CA10: variants seen among roughly 807,000 people sequenced by gnomAD.
The protein encoded by CA10 is carbonic anhydrase-related protein 10.
CA10 carries 14 observed loss-of-function variants against 44.2 expected under a neutral mutation model. That is an observed-to-expected ratio of 0.32 (90% CI 0.21 to 0.50). The LOEUF is 0.50. CA10 is among the 20% of genes least tolerant of loss of function. CA10 has a pLI of 0.99. For missense variants in CA10, 350 were observed against 409.7 expected, an observed-to-expected ratio of 0.85 and a Z score of 1.26; for synonymous variants, 159 against 141.6, an observed-to-expected ratio of 1.12 and a Z score of -0.87.
chr17:51,827,218 C>T lies in CA10; in HGVS notation c.280-79400G>A, dbSNP rs146322792. On this transcript the variant is annotated intron_variant, in intron 3 of 8. Transcript: ENST00000451037. ...ATTATTTTCCAATACCTTTGGGAGA[C>T]ACAAAGTTAAACAGACTATATCACT... Among the ~76,000 whole-genome samples, 113 of 152,224 alleles carry T rather than the reference C, an allele frequency of 7.4e-4. 1 individual carries two copies. The East Asian group carries it at 0.02, about 26-fold the overall frequency.
At chr17:51,999,726 C>A (rs952021089) in intron 2 of CA10, among the ~76,000 whole-genome samples, 8 of 152,024 alleles carry the variant, frequency 5.3e-5, no homozygotes, top group Admixed American at 3.9e-4. Flanking sequence ...CTTATAGGTT[C>A]CAGCCTGTCC....
At chr17:52,154,712 T>C (rs530245576) in intron 1 of CA10, among the ~76,000 whole-genome samples, 1 of 152,296 alleles carries the variant, frequency 6.6e-6, no homozygotes, top group Non-Finnish European at 1.5e-5. Flanking sequence ...CCAGAGGAAC[T>C]CCCAAATCAT....
intron 2 of CA10, among the ~76,000 whole-genome samples, chr17:52,039,172 T>C (rs1986699601): frequency 6.6e-6 from 1 of 152,186 alleles, no homozygotes; most frequent in Non-Finnish European, 1.5e-5. Flanking sequence ...GTTCTTGATA[T>C]GATTCCAAGA....
intron 1 of CA10, among the ~76,000 whole-genome samples, chr17:52,127,116 G>T (rs1441098738): frequency 6.6e-6 from 1 of 152,094 alleles, no homozygotes; most frequent in African/African-American, 2.4e-5. Context: ...CCCCAACCAT[G>T]AAGTGATTAC....
intron 1 of CA10, among the ~76,000 whole-genome samples, chr17:52,122,437 A>AT (rs766296838): frequency 4.0e-5 from 6 of 151,884 alleles, no homozygotes; most frequent in African/African-American, 9.7e-5. Flanking sequence ...TTCATCATGG[A>AT]TTTTTTTTGC....
At chr17:52,013,457 C>T (rs1985871803) in intron 2 of CA10, among the ~76,000 whole-genome samples, 1 of 151,712 alleles carries the variant, frequency 6.6e-6, no homozygotes, top group Non-Finnish European at 1.5e-5. Context: ...AATTAAAATG[C>T]AGTGGGTGTA....
At chr17:51,850,367 A>C (rs886443073) in intron 3 of CA10, among the ~76,000 whole-genome samples, 1 of 152,226 alleles carries the variant, frequency 6.6e-6, no homozygotes, top group Non-Finnish European at 1.5e-5. Flanking sequence ...CCGAACTTAC[A>C]AAGCAGCAAA....
intron 3 of CA10, among the ~76,000 whole-genome samples, chr17:51,928,732 A>G (rs1982530664): frequency 6.6e-6 from 1 of 152,136 alleles, no homozygotes; most frequent in Non-Finnish European, 1.5e-5. Context: ...TAAGTTGGGT[A>G]TTTCTTTAAG....
At chr17:52,144,901 G>A (rs1848164141) in intron 1 of CA10, among the ~76,000 whole-genome samples, 1 of 152,010 alleles carries the variant, frequency 6.6e-6, no homozygotes. Flanking sequence ...TCCAAAAATA[G>A]GTGTTATTGC....
chr17:52,087,808 C>T (rs895832854), intron 1 of CA10, among the ~76,000 whole-genome samples: 2 of 151,974 alleles, frequency 1.3e-5, no homozygotes, highest in South Asian at 4.2e-4. Context: ...TGTTTTATGC[C>T]CCCCTTATTT....
At chr17:51,665,005 G>A (rs890622766) in intron 4 of CA10, among the ~76,000 whole-genome samples, 1 of 152,152 alleles carries the variant, frequency 6.6e-6, no homozygotes, top group Non-Finnish European at 1.5e-5. Flanking sequence ...CACACTGCTT[G>A]CCAAAGCCAT....
At chr17:51,727,895 A>C (rs1916583350) in intron 4 of CA10, among the ~76,000 whole-genome samples, 1 of 152,126 alleles carries the variant, frequency 6.6e-6, no homozygotes, top group Non-Finnish European at 1.5e-5. Context: ...AGACTTAAAA[A>C]AATTTTTTTA....
At chr17:51,736,954 C>G (rs560364112) in intron 4 of CA10, among the ~76,000 whole-genome samples, 15 of 152,294 alleles carry the variant, frequency 9.8e-5, no homozygotes, top group African/African-American at 3.6e-4. Context: ...TCCTGTCTCA[C>G]TTTACAGCTA....
chr17:51,697,982 C>G (rs1042016593), intron 4 of CA10, among the ~76,000 whole-genome samples: 1 of 152,100 alleles, frequency 6.6e-6, no homozygotes, highest in Non-Finnish European at 1.5e-5. Context: ...TAATTGGGGC[C>G]CAGGTGGCCA....
intron 2 of CA10, among the ~76,000 whole-genome samples, chr17:52,053,111 C>CAAACA (rs1445475099): frequency 6.6e-6 from 1 of 152,070 alleles, no homozygotes; most frequent in African/African-American, 2.4e-5. Context: ...ATACATATCA[C>CAAACA]TTCCTAATGT....
At chr17:52,022,580 T>C (rs1409475781) in intron 2 of CA10, among the ~76,000 whole-genome samples, 1 of 152,072 alleles carries the variant, frequency 6.6e-6, no homozygotes, top group African/African-American at 2.4e-5. Flanking sequence ...TAACCACTCC[T>C]ATTCTACTGA....
chr17:51,979,068 G>A (rs556967642), intron 2 of CA10, among the ~76,000 whole-genome samples: 26 of 152,142 alleles, frequency 1.7e-4, no homozygotes, highest in African/African-American at 5.5e-4. Context: ...ATGGCCCTCT[G>A]AGCATGTGGT....
At chr17:51,959,220 T>C (rs930739287) in intron 2 of CA10, among the ~76,000 whole-genome samples, 2 of 151,766 alleles carry the variant, frequency 1.3e-5, no homozygotes, top group Admixed American at 6.6e-5. Flanking sequence ...TTTTTTTTTT[T>C]TTTTTTGAGC....
chr17:52,097,757 G>GA (rs1217929098), intron 1 of CA10, among the ~76,000 whole-genome samples: 1 of 152,102 alleles, frequency 6.6e-6, no homozygotes, highest in Non-Finnish European at 1.5e-5. Context: ...GTTTGATAGA[G>GA]GAGACAGACA....
Sources: gnomAD v4.1 joint callset for allele counts (sites outside exome capture counted in the v4.1 genomes callset) on GRCh38, gnomAD v4.1.1 for gene constraint, MANE v1.5 for transcripts, NCBI Gene and HGNC (gene_info 2026-07-23, HGNC 2026-07-21) for gene names.